Variants in SRRM1 observed in about 807,000 individuals in gnomAD.
SRRM1 encodes the protein serine and arginine repetitive matrix 1.
Under a neutral mutation model 110.2 loss-of-function variants are expected in SRRM1, and 19 were observed. The observed-to-expected ratio is 0.17, with a 90% CI of 0.12 to 0.25. The LOEUF (loss-of-function observed/expected upper bound fraction) is 0.25, where lower values mean the gene tolerates loss of function less well. Ranked by LOEUF, SRRM1 falls within the 10% of genes least tolerant of loss-of-function variation. The probability of loss-of-function intolerance (pLI) is 1.00; values close to 1 mark genes in which losing one functional copy is unlikely to be tolerated. For synonymous variants in SRRM1, 443 were observed against 414.9 expected (o/e 1.07, Z -0.82); for missense variants, 918 against 1,145.8 (o/e 0.80, Z 2.87).
At chr1:24,656,828 CT>C (rs1477858447) in intron 9 of SRRM1, among the ~76,000 whole-genome samples, 1 of 152,124 alleles carries the variant, frequency 6.6e-6, no homozygotes, top group African/African-American at 2.4e-5. Flanking sequence ...TTATTAGGTA[CT>C]TTTAAAAAGC....
chr1:24,652,039 T>TATATATATATATATATAC (rs1661115731), intron 6 of SRRM1, among the ~76,000 whole-genome samples: 2 of 118,840 alleles, frequency 1.7e-5, no homozygotes, highest in South Asian at 5.4e-4. Context: ...AATATATATA[T>TATATATATATATATATAC]ATATATATAT....
At chr1:24,665,960 G>A (rs987299358) in intron 12 of SRRM1, among the ~76,000 whole-genome samples, 1 of 152,126 alleles carries the variant, frequency 6.6e-6, no homozygotes, top group Admixed American at 6.6e-5. Context: ...GAGCAGAGAC[G>A]TCCAGACTTG....
chr1:24,670,229 C>G lies in SRRM1; in HGVS notation c.2314C>G (p.Gln772Glu). 6.2e-7 allele frequency: 1 copy of G among 1,614,132 alleles called. No homozygotes were observed. The highest frequency in any genetic ancestry group is 8.5e-7 in the Non-Finnish European group (1 of 1,180,030). Residue 772 changes from glutamine (Q) to glutamate (E), a missense_variant, in exon 15 of 17, where the codon CAG becomes GAG. By Grantham distance (29) the Gln-to-Glu change is conservative. Around this residue, in one of 5 missense-constraint regions of SRRM1, gnomAD observed 357 missense variants for 402.9 expected, o/e 0.89. Coordinates refer to ENST00000323848, the MANE Select transcript of SRRM1 (RefSeq NM_005839.4). ...KKPPAPPSPVQSQSPSTNWSP... is the reference protein window; with the variant it reads ...KKPPAPPSPVESQSPSTNWSP... ...GCCCCCAGCACCTCCATCCCCCGTC[C>G]AGTCTCAGTCACCGTCTACAAACTG... is the stretch of plus-strand genomic sequence containing the variant.
chr1:24,671,638 C>G, intron 16 of SRRM1, 43 bp downstream of exon 16: 3 of 1,502,050 alleles, frequency 2.0e-6, no homozygotes, highest in Non-Finnish European at 1.8e-6. Flanking sequence ...AGTTTACGTA[C>G]AGATAGCAAA....
intron 13 of SRRM1, 90 bp downstream of exon 13, chr1:24,667,015 A>C: frequency 1.3e-6 from 1 of 757,508 alleles, no homozygotes; most frequent in Non-Finnish European, 2.2e-6. Context: ...ACTTCCTAAC[A>C]AGGTTGGAGA....
At position 24,666,790 on chromosome 1, in the gene SRRM1, TTAACTA is replaced by T. The variant is rs1316125337; in HGVS notation, c.1629-21_1629-16del. The T allele has an allele frequency of 6.3e-7, 1 of 1,590,656 alleles. No homozygotes were observed. Among genetic ancestry groups the T allele is most frequent in the African/African-American group, 1.4e-5 (1 of 73,790 alleles). ...ACACACACAAAAAAAAGAAAAAAAATTAACTATAATTCTTCTTGGTTTAGTGGTAGA... is the reference window on the plus strand; with the variant it reads ...ACACACACAAAAAAAAGAAAAAAAATTAATTCTTCTTGGTTTAGTGGTAGA... On this transcript the variant is annotated intron_variant, in intron 12 of 16. Coordinates refer to ENST00000323848, the MANE Select transcript of SRRM1 (RefSeq NM_005839.4).
intron 4 of SRRM1, among the ~76,000 whole-genome samples, chr1:24,649,565 C>T (rs1255352124): frequency 6.6e-6 from 1 of 152,192 alleles, no homozygotes; most frequent in Non-Finnish European, 1.5e-5. Flanking sequence ...GTGATCTGCC[C>T]GCCCTTGGCG....
intron 9 of SRRM1, among the ~76,000 whole-genome samples, chr1:24,660,077 C>T (rs1666357929): frequency 6.6e-6 from 1 of 152,186 alleles, no homozygotes; most frequent in Admixed American, 6.5e-5. Flanking sequence ...GTGAAAGTTT[C>T]ATGAGATCTT....
At chr1:24,646,993 A>AC in intron 3 of SRRM1, 1 of 407,438 alleles carries the variant, frequency 2.5e-6, no homozygotes, top group East Asian at 4.0e-5. Flanking sequence ...GTGAAAAATC[A>AC]AACTTATTGT....
chr1:24,672,314 T>G lies in SRRM1; in HGVS notation c.*28T>G. The G allele has an allele frequency of 1.3e-6, 2 of 1,517,218 alleles. No homozygotes were observed. Among genetic ancestry groups the G allele is most frequent in the Middle Eastern group, 2.3e-4 (1 of 4,382 alleles). The allele number at this position is 1,517,218 out of a possible 1,614,324, so 94.0% of individuals were successfully genotyped here. A position where few individuals can be genotyped will look rare whatever the true frequency, so the allele number is the denominator to read the frequency against. ...GGAAATGTTTGTTATGATGTAAATT[T>G]TATTTGGTTTGTACGCAGTTCAATT... is the stretch of plus-strand genomic sequence containing the variant. On this transcript the variant is annotated 3_prime_UTR_variant, in exon 17 of 17. Coordinates refer to ENST00000323848, the MANE Select transcript of SRRM1 (RefSeq NM_005839.4).
chr1:24,648,746 G>A, intron 3 of SRRM1, 113 bp from the exon 4 acceptor site: 1 of 851,812 alleles, frequency 1.2e-6, no homozygotes, highest in South Asian at 1.7e-5. Context: ...ATATGTCTAA[G>A]CCCCTATGGT....
chr1:24,645,196 G>T (rs745677900), intron 1 of SRRM1, among the ~76,000 whole-genome samples: 28 of 152,282 alleles, frequency 1.8e-4, no homozygotes, highest in Admixed American at 6.5e-4. Flanking sequence ...CCTCAGAGAG[G>T]CTGGGTAACT....
Position 24,669,241 on chromosome 1 carries a change from C to T in SRRM1, c.1858C>T (p.Pro620Ser), listed in dbSNP as rs532766300. ...PKRRTASPPPPPKRRASPSPP... is the reference protein window; with the variant it reads ...PKRRTASPPPSPKRRASPSPP... Reference sequence around the variant, plus strand: ...GAGAAGAACGGCTTCACCTCCTCCCCCTCCTAAACGAAGAGCATCACCATC... The same window carrying T: ...GAGAAGAACGGCTTCACCTCCTCCCTCTCCTAAACGAAGAGCATCACCATC... Residue 620 changes from proline to serine, a missense_variant, in exon 14 of 17, where the codon CCT becomes TCT. Pro to Ser is a moderately conservative substitution (Grantham distance 74). This residue lies in a region of SRRM1 where 357 missense variants were observed against 402.9 expected (regional missense o/e 0.89). Transcript: ENST00000323848. 5 of 1,614,166 alleles carry T rather than the reference C, an allele frequency of 3.1e-6. No individual in the cohort carries two copies. Among genetic ancestry groups the T allele is most frequent in the East Asian group, 2.2e-5 (1 of 44,878 alleles).
At chr1:24,649,923 G>T in intron 4 of SRRM1, 48 bp from the exon 5 acceptor site, 3 of 1,476,796 alleles carry the variant, frequency 2.0e-6, no homozygotes, top group Non-Finnish European at 2.7e-6. Context: ...TCTTCAGTTT[G>T]TTCTCAAATG....
At position 24,667,477 on chromosome 1, in the gene SRRM1, T is replaced by C. The variant is rs1239898571; in HGVS notation, c.1739+552T>C. On this transcript the variant is annotated intron_variant, in intron 13 of 16. Transcript: ENST00000323848. ...CAAAGATAACATCCTCAATAAAACA[T>C]TGGCATCGTGTATTTCCTGGATACC... Among the ~76,000 whole-genome samples the C allele has an allele frequency of 2.0e-5, 3 of 152,202 alleles. No homozygotes were observed. The East Asian group carries it at 5.8e-4, about 29-fold the overall frequency.
chr1:24,650,974 T>G (rs776293326), intron 5 of SRRM1, among the ~76,000 whole-genome samples: 51 of 152,228 alleles, frequency 3.4e-4, no homozygotes, highest in Non-Finnish European at 6.5e-4. Context: ...AACATGTTGC[T>G]TTAATGGTAT....
At chr1:24,661,815 C>T (rs1667368237) in intron 11 of SRRM1, among the ~76,000 whole-genome samples, 1 of 152,164 alleles carries the variant, frequency 6.6e-6, no homozygotes, top group Admixed American at 6.6e-5. Flanking sequence ...CTAGACTGGG[C>T]GCAGTGGCTC....
At chr1:24,646,560 C>T in intron 2 of SRRM1, 107 bp from the exon 3 acceptor site, 4 of 995,322 alleles carry the variant, frequency 4.0e-6, no homozygotes, top group Non-Finnish European at 5.8e-6. Flanking sequence ...TCTACTATGC[C>T]AAACAAAAAA....
intron 2 of SRRM1, 140 bp downstream of exon 2, chr1:24,646,213 C>CGTGTG: frequency 1.6e-6 from 1 of 635,696 alleles, no homozygotes; most frequent in Non-Finnish European, 2.8e-6. Context: ...AGCCACCACA[C>CGTGTG]GTGGCACAGC....
Sources: gnomAD v4.1 joint callset for allele counts (sites outside exome capture counted in the v4.1 genomes callset) on GRCh38, gnomAD v4.1.1 for gene constraint, gnomAD v4.1.1 regional missense constraint, MANE v1.5 for transcripts, NCBI Gene and HGNC (gene_info 2026-07-23, HGNC 2026-07-21) for gene names.